Variants in TMEM87B observed in about 807,000 individuals in gnomAD.
The protein encoded by TMEM87B is transmembrane protein 87B.
A neutral mutation model predicts 80.3 loss-of-function variants in TMEM87B; 83 were observed. That is an observed-to-expected ratio of 1.03 (90% CI 0.87 to 1.24). TMEM87B has a LOEUF of 1.24. Ranked by LOEUF, TMEM87B falls within the 50% of genes most tolerant of loss-of-function variation. The pLI is 0.00. For missense variants in TMEM87B, 625 were observed against 674.4 expected (o/e 0.93, Z 0.81); for synonymous variants, 219 against 230.5 (o/e 0.95, Z 0.45).
chr2:112,057,467 G>T (rs967315002), intron 1 of TMEM87B, among the ~76,000 whole-genome samples: 2 of 152,120 alleles, frequency 1.3e-5, no homozygotes, highest in African/African-American at 4.8e-5. Flanking sequence ...TAGAGATAGG[G>T]GTCTCACTAT....
At chr2:112,116,024 T>C in intron 18 of TMEM87B, 60 bp from the exon 19 acceptor site, 1 of 1,401,254 alleles carries the variant, frequency 7.1e-7, no homozygotes, top group South Asian at 1.2e-5. Context: ...AGAAAATTTT[T>C]GTTAGGGTTC....
At chr2:112,098,517 A>T (rs1679537142) in intron 13 of TMEM87B, 78 bp from the exon 14 acceptor site, 8 of 1,316,364 alleles carry the variant, frequency 6.1e-6, no homozygotes, top group Non-Finnish European at 8.7e-6. Flanking sequence ...AGTACTTGTC[A>T]TTGTACATTA....
intron 1 of TMEM87B, among the ~76,000 whole-genome samples, chr2:112,057,037 G>C (rs1678095295): frequency 6.6e-6 from 1 of 152,222 alleles, no homozygotes; most frequent in African/African-American, 2.4e-5. Flanking sequence ...GAACATACCT[G>C]CAAAGATCTT....
chr2:112,099,852 C>A (rs1444917088), intron 14 of TMEM87B, among the ~76,000 whole-genome samples: 2 of 142,874 alleles, frequency 1.4e-5, no homozygotes, highest in Non-Finnish European at 3.0e-5. Flanking sequence ...TACTGCACTC[C>A]AGCTTGGGCA....
At position 112,091,718 on chromosome 2, in the gene TMEM87B, A is replaced by G. The variant is rs776783372; in HGVS notation, c.1039A>G (p.Asn347Asp). 5 of 1,611,964 alleles carry G rather than the reference A, an allele frequency of 3.1e-6. No homozygotes were observed. The highest frequency in any genetic ancestry group is 4.2e-6 in the Non-Finnish European group (5 of 1,178,590). ...EGVMRVIGGS[N>D]HLAVVLDDII... The stretch of plus-strand genomic sequence containing the variant: ...CCTTATTTTTATCTTTCAGGGTTCT[A>G]ACCATTTAGCTGTTGTTCTTGATGA... Residue 347 changes from asparagine (N) to aspartate (D), a missense_variant, in exon 11 of 19, where the codon AAC becomes GAC. By Grantham distance (23) the Asn-to-Asp change is conservative. Coordinates refer to ENST00000283206, the MANE Select transcript of TMEM87B (RefSeq NM_032824.3).
chr2:112,102,193 A>G (rs1679648291), intron 15 of TMEM87B, among the ~76,000 whole-genome samples: 1 of 152,220 alleles, frequency 6.6e-6, no homozygotes, highest in South Asian at 2.1e-4. Context: ...CAGACGTTAC[A>G]AGAAAAAATT....
At chr2:112,068,180 C>T (rs1456197985) in intron 4 of TMEM87B, among the ~76,000 whole-genome samples, 5 of 152,158 alleles carry the variant, frequency 3.3e-5, no homozygotes, top group African/African-American at 1.2e-4. Flanking sequence ...CGCCATTGCA[C>T]TCCAGACTGG....
chr2:112,099,762 A>G (rs1679578490), intron 14 of TMEM87B, among the ~76,000 whole-genome samples: 1 of 150,856 alleles, frequency 6.6e-6, no homozygotes, highest in Admixed American at 6.6e-5. Context: ...CTGTACTCCC[A>G]GCTACTTGGG....
At chr2:112,066,749 T>C (rs1678448352) in intron 3 of TMEM87B, among the ~76,000 whole-genome samples, 187 bp from the exon 4 acceptor site, 2 of 152,252 alleles carry the variant, frequency 1.3e-5, no homozygotes, top group South Asian at 4.1e-4. Flanking sequence ...GCTAAAAGGT[T>C]ATGATTATCT....
At chr2:112,105,894 C>T in intron 15 of TMEM87B, 108 bp from the exon 16 acceptor site, 1 of 692,710 alleles carries the variant, frequency 1.4e-6, no homozygotes, top group Non-Finnish European at 2.1e-6. Flanking sequence ...CCATTATTAA[C>T]CCTCCATTTC....
At chr2:112,100,774 G>A in intron 15 of TMEM87B, 79 bp downstream of exon 15, 1 of 845,850 alleles carries the variant, frequency 1.2e-6, no homozygotes, top group Non-Finnish European at 1.8e-6. Context: ...GTGATGCAAG[G>A]TCACATATAT....
At chr2:112,062,168 A>G (rs898620659) in intron 2 of TMEM87B, among the ~76,000 whole-genome samples, 1 of 152,258 alleles carries the variant, frequency 6.6e-6, no homozygotes, top group Admixed American at 6.5e-5. Flanking sequence ...AAAGGGTGAG[A>G]TGAGAATCTG....
chr2:112,090,945 C>CT (rs1296609320), intron 10 of TMEM87B, among the ~76,000 whole-genome samples: 1 of 152,058 alleles, frequency 6.6e-6, no homozygotes, highest in African/African-American at 2.4e-5. Flanking sequence ...CTCTTTTAGT[C>CT]TTTGAGTATA....
Position 112,081,381 on chromosome 2 carries a change from G to C in TMEM87B, c.701G>C (p.Trp234Ser), listed in dbSNP as rs2104475905. ...CIVYILYGIL[W>S]LTWSACYWKD... ...GTTTATATATTATATGGCATACTCTGGCTGACGTGGTCTGCCTGTTATTGG... is the reference window on the plus strand; with the variant it reads ...GTTTATATATTATATGGCATACTCTCGCTGACGTGGTCTGCCTGTTATTGG... Residue 234 changes from tryptophan (W) to serine (S), a missense_variant, in exon 8 of 19, where the codon TGG (tryptophan) becomes TCG (serine). By Grantham distance (177) the Trp-to-Ser change is radical. Coordinates refer to ENST00000283206, the MANE Select transcript of TMEM87B (RefSeq NM_032824.3). 1 of 1,613,346 alleles carries C rather than the reference G, an allele frequency of 6.2e-7. No homozygotes were observed. Among genetic ancestry groups the C allele is most frequent in the Non-Finnish European group, 8.5e-7 (1 of 1,179,788 alleles).
chr2:112,111,157 G>A (rs1243373554), intron 17 of TMEM87B, among the ~76,000 whole-genome samples: 2 of 152,100 alleles, frequency 1.3e-5, no homozygotes, highest in Non-Finnish European at 2.9e-5. Context: ...AATGCTGAAG[G>A]CATGTGTCTT....
At chr2:112,075,445 T>G (rs1193758959) in intron 5 of TMEM87B, among the ~76,000 whole-genome samples, 1 of 152,234 alleles carries the variant, frequency 6.6e-6, no homozygotes, top group East Asian at 1.9e-4. Context: ...TTGTATATAC[T>G]GTTACTATCT....
intron 11 of TMEM87B, among the ~76,000 whole-genome samples, chr2:112,093,037 A>G (rs1280307724): frequency 2.0e-5 from 3 of 151,992 alleles, no homozygotes; most frequent in African/African-American, 7.3e-5. Context: ...ATTTTTTTAA[A>G]AAATTGTTTT....
intron 9 of TMEM87B, among the ~76,000 whole-genome samples, chr2:112,088,120 G>T (rs1233808634): frequency 4.6e-5 from 7 of 152,248 alleles, no homozygotes; most frequent in Non-Finnish European, 2.9e-5. Context: ...GGGGATTGGG[G>T]AGTTAGCAGG....
At chr2:112,065,964 A>AT (rs1558829628) in intron 3 of TMEM87B, among the ~76,000 whole-genome samples, 5 of 152,142 alleles carry the variant, frequency 3.3e-5, no homozygotes, top group African/African-American at 1.2e-4. Flanking sequence ...CAGAATACTG[A>AT]TTTGTCTCAT....
Sources: gnomAD v4.1 joint callset for allele counts (sites outside exome capture counted in the v4.1 genomes callset) on GRCh38, gnomAD v4.1.1 for gene constraint, MANE v1.5 for transcripts, NCBI Gene and HGNC (gene_info 2026-07-23, HGNC 2026-07-21) for gene names.